The following PLCXD3 variants were observed in gnomAD, a reference collection of about 807,000 sequenced individuals.
PLCXD3 encodes phosphatidylinositol specific phospholipase C X domain containing 3, also known as PI-PLC X domain-containing protein 3.
PLCXD3 carries 19 observed loss-of-function variants against 25.5 expected under a neutral mutation model. The observed-to-expected ratio is 0.75, with a 90% confidence interval of 0.52 to 1.09. PLCXD3 has a LOEUF of 1.09. Ranked by LOEUF, PLCXD3 falls within the 50% of genes least tolerant of loss-of-function variation. The pLI is 0.00. For missense variants in PLCXD3, 411 were observed against 388.1 expected, an observed-to-expected ratio of 1.06 and a Z score of -0.50; for synonymous variants, 174 against 137.6, an observed-to-expected ratio of 1.26 and a Z score of -1.85.
At chr5:41,505,983 CT>C (rs1236301998) in intron 1 of PLCXD3, among the ~76,000 whole-genome samples, 4 of 152,212 alleles carry the variant, frequency 2.6e-5, no homozygotes, top group Non-Finnish European at 4.4e-5. Flanking sequence ...CATAAAAGCC[CT>C]CTTTAGAGAT....
At chr5:41,364,841 T>C (rs1345061862) in intron 2 of PLCXD3, among the ~76,000 whole-genome samples, 1 of 152,236 alleles carries the variant, frequency 6.6e-6, no homozygotes, top group Non-Finnish European at 1.5e-5. Context: ...ATTTGATGTG[T>C]ACTTTTGATA....
chr5:41,402,584 T>A (rs1188178624), intron 1 of PLCXD3, among the ~76,000 whole-genome samples: 1 of 151,910 alleles, frequency 6.6e-6, no homozygotes, highest in Admixed American at 6.6e-5. Context: ...GTTAACCTGG[T>A]TGATAATGTG....
Position 41,440,249 on chromosome 5 carries a change from T to TTTTTTTTTTTTTTTTTTTTTTTTTTTTTG in PLCXD3, c.104-57716_104-57715insCAAAAAAAAAAAAAAAAAAAAAAAAAAAA, listed in dbSNP as rs751131624. Among the ~76,000 whole-genome samples, 20 of 100,326 alleles carry TTTTTTTTTTTTTTTTTTTTTTTTTTTTTG rather than the reference T, an allele frequency of 2.0e-4. 2 individuals carry two copies. Among genetic ancestry groups the TTTTTTTTTTTTTTTTTTTTTTTTTTTTTG allele is most frequent in the Non-Finnish European group, 2.8e-4 (14 of 49,616 alleles). The allele number at this position is 100,326 out of a possible 152,430, so 65.8% of individuals were successfully genotyped here. A position where few individuals can be genotyped will look rare whatever the true frequency, so the allele number is the denominator to read the frequency against. On this transcript the variant is annotated intron_variant, in intron 1 of 2. Transcript: ENST00000377801. Reference sequence around the variant, plus strand: ...TTTTTTTTTTTTTTTTTTTTTTTTTTTTAGTCAGAGTCTCACTGTGTCACC... The same window carrying TTTTTTTTTTTTTTTTTTTTTTTTTTTTTG: ...TTTTTTTTTTTTTTTTTTTTTTTTTTTTTTTTTTTTTTTTTTTTTTTTTTTTTTGTTAGTCAGAGTCTCACTGTGTCACC...
chr5:41,372,616 C>T (rs1370758154), intron 2 of PLCXD3, among the ~76,000 whole-genome samples: 1 of 152,102 alleles, frequency 6.6e-6, no homozygotes, highest in Non-Finnish European at 1.5e-5. Context: ...ACTCCCTCCT[C>T]TGTCATACAG....
intron 2 of PLCXD3, among the ~76,000 whole-genome samples, chr5:41,374,751 C>A (rs1290410245): frequency 2.0e-5 from 3 of 152,116 alleles, no homozygotes; most frequent in Non-Finnish European, 4.4e-5. Context: ...AGATCGCTTT[C>A]CCTCTCTGTT....
intron 1 of PLCXD3, among the ~76,000 whole-genome samples, chr5:41,424,244 A>G (rs909155292): frequency 4.6e-5 from 7 of 152,146 alleles, no homozygotes; most frequent in Admixed American, 2.0e-4. Context: ...ATATATACAT[A>G]AAAGGTTGTG....
rs1745481618 is a variant in PLCXD3, at chr5:41,382,105, T to C, written c.533A>G (p.Glu178Gly). 6.2e-7 allele frequency: 1 copy of C among 1,613,580 alleles called. No homozygotes were observed. The highest frequency in any genetic ancestry group is 1.7e-5 in the Admixed American group (1 of 59,942). ...NKMCPAIFAQEVSLKYLWEKD... is the reference protein window; with the variant it reads ...NKMCPAIFAQGVSLKYLWEKD... The stretch of plus-strand genomic sequence containing the variant: ...CTCCCACAGGTACTTTAAACTAACT[T>C]CCTGGGCAAAAATCGCTGGGCACAT... The change falls in exon 2 of 3, where the codon GAA becomes GGA. Residue 178 changes from glutamate to glycine, a missense_variant. Physicochemically the swap from Glu to Gly is moderately conservative, Grantham distance 98. Coordinates refer to ENST00000377801, the MANE Select transcript of PLCXD3 (RefSeq NM_001005473.3).
intron 1 of PLCXD3, among the ~76,000 whole-genome samples, chr5:41,385,186 C>T (rs1339554841): frequency 1.3e-5 from 2 of 152,072 alleles, no homozygotes; most frequent in South Asian, 2.1e-4. Context: ...AGCCTAACCT[C>T]GTGTCTTTAA....
At chr5:41,495,090 C>A (rs1473139895) in intron 1 of PLCXD3, among the ~76,000 whole-genome samples, 3 of 152,220 alleles carry the variant, frequency 2.0e-5, no homozygotes, top group Non-Finnish European at 4.4e-5. Context: ...TGTGCCACAT[C>A]AAAGCCAGAA....
intron 1 of PLCXD3, among the ~76,000 whole-genome samples, chr5:41,495,818 G>A (rs1580402984): frequency 1.3e-5 from 2 of 151,748 alleles, no homozygotes; most frequent in Admixed American, 1.3e-4. Context: ...TTTTTCAAGT[G>A]CATAAATACC....
intron 1 of PLCXD3, among the ~76,000 whole-genome samples, chr5:41,443,225 G>A (rs888959466): frequency 1.3e-5 from 2 of 151,694 alleles, no homozygotes; most frequent in Non-Finnish European, 2.9e-5. Flanking sequence ...TATTTTTACT[G>A]TACCTTTACT....
chr5:41,346,100 C>T (rs1315503625), intron 2 of PLCXD3, among the ~76,000 whole-genome samples: 1 of 152,084 alleles, frequency 6.6e-6, no homozygotes, highest in Non-Finnish European at 1.5e-5. Context: ...TGGCTGGTCT[C>T]GAACTCCTGA....
intron 1 of PLCXD3, among the ~76,000 whole-genome samples, chr5:41,444,059 C>T (rs1747444569): frequency 6.6e-6 from 1 of 151,926 alleles, no homozygotes; most frequent in Admixed American, 6.6e-5. Context: ...TTTTTTTTCT[C>T]ACCTCTAGGC....
intron 2 of PLCXD3, among the ~76,000 whole-genome samples, chr5:41,329,112 T>TTTG (rs1208414282): frequency 2.0e-5 from 3 of 152,174 alleles, no homozygotes; most frequent in South Asian, 4.1e-4. Context: ...AAACTTCTGG[T>TTTG]TTGTTGTTGT....
At chr5:41,405,063 C>T (rs1171210012) in intron 1 of PLCXD3, among the ~76,000 whole-genome samples, 1 of 152,106 alleles carries the variant, frequency 6.6e-6, no homozygotes. Flanking sequence ...TCAATGCTTT[C>T]TGGCAATAGG....
Position 41,443,571 on chromosome 5 carries a change from A to AT in PLCXD3, c.104-61038dup, listed in dbSNP as rs573941902. 3.7e-4 allele frequency among the ~76,000 whole-genome samples: 57 copies of AT among 152,314 alleles called. 1 individual carries two copies. Among genetic ancestry groups the AT allele is most frequent in the Admixed American group, 3.1e-3 (47 of 15,288 alleles). ...AAAACCTGAGACCTGGTAAGCATCCATTATATTGTTATTACTATGATTATT... is the reference window on the plus strand; with the variant it reads ...AAAACCTGAGACCTGGTAAGCATCCATTTATATTGTTATTACTATGATTATT... On this transcript the variant is annotated intron_variant, in intron 1 of 2. Coordinates refer to ENST00000377801, the MANE Select transcript of PLCXD3 (RefSeq NM_001005473.3).
In PLCXD3 at chr5:41,312,063, G is replaced by A. The variant is rs1428407781; in HGVS notation, c.*1554C>T. The A allele has an allele frequency of 1.3e-5, 2 of 151,932 alleles. No individual in the cohort carries two copies. The highest frequency in any genetic ancestry group is 2.9e-5 in the Non-Finnish European group (2 of 67,916). 9.4% of individuals were successfully genotyped at this position (151,932 alleles called of 1,614,324 possible). On this transcript the variant is annotated 3_prime_UTR_variant, in exon 3 of 3. Transcript: ENST00000377801. ...AAACACCTCACAATATTCCTGTGAA[G>A]TACATAGGCAAGGATTATTGTGCTC...
chr5:41,412,245 T>C (rs1746569934), intron 1 of PLCXD3, among the ~76,000 whole-genome samples: 1 of 152,296 alleles, frequency 6.6e-6, no homozygotes, highest in South Asian at 2.1e-4. Flanking sequence ...ACAACATCAA[T>C]GTTTTTCCGT....
chr5:41,414,256 T>C lies in PLCXD3; in HGVS notation c.104-31722A>G, dbSNP rs183821720. 3.5e-4 allele frequency among the ~76,000 whole-genome samples: 53 copies of C among 151,882 alleles called. No individual in the cohort carries two copies. In the East Asian group the frequency reaches 6.6e-3, roughly 19 times the overall value. ...ATTATTTATTATTATTTTTTTGAGATGGAGTTTCGCTCTTGTTGCCCAGGC... is the reference window on the plus strand; with the variant it reads ...ATTATTTATTATTATTTTTTTGAGACGGAGTTTCGCTCTTGTTGCCCAGGC... On this transcript the variant is annotated intron_variant, in intron 1 of 2. Transcript: ENST00000377801.
Sources: gnomAD v4.1 joint callset for allele counts (sites outside exome capture counted in the v4.1 genomes callset) on GRCh38, gnomAD v4.1.1 for gene constraint, MANE v1.5 for transcripts, NCBI Gene and HGNC (gene_info 2026-07-23, HGNC 2026-07-21) for gene names.